Variants in RBFOX1 observed in about 807,000 individuals in gnomAD.
RBFOX1 encodes RNA binding protein fox-1 homolog 1.
Under a neutral mutation model 57.7 loss-of-function variants are expected in RBFOX1, and 8 were observed. The ratio of observed to expected loss-of-function variants is 0.14; its 90% CI spans 0.08 to 0.25. The LOEUF is 0.25. Among genes scored for constraint, RBFOX1 ranks in the 10% least tolerant of loss-of-function variants. The pLI is 1.00. For missense variants in RBFOX1, 611 were observed against 548.5 expected (o/e 1.11, Z -1.14); for synonymous variants, 326 against 222.4 (o/e 1.47, Z -4.15).
chr16:5,815,940 C>T (rs776357599), intron 3 of RBFOX1, among the ~76,000 whole-genome samples: 9 of 152,130 alleles, frequency 5.9e-5, no homozygotes, highest in South Asian at 2.1e-4. Flanking sequence ...ATGGGTATTA[C>T]AATTGGTTAA....
intron 3 of RBFOX1, among the ~76,000 whole-genome samples, chr16:5,836,709 G>A (rs2056469806): frequency 6.6e-6 from 1 of 152,142 alleles, no homozygotes; most frequent in Non-Finnish European, 1.5e-5. Flanking sequence ...AGGATGTTCA[G>A]CAGCATCCCT....
intron 2 of RBFOX1, among the ~76,000 whole-genome samples, chr16:5,500,464 G>A (rs943116533): frequency 1.4e-4 from 21 of 151,948 alleles, no homozygotes; most frequent in Non-Finnish European, 2.5e-4. Flanking sequence ...TCACGCAATC[G>A]TCCCGCCTCC....
chr16:6,757,822 C>T (rs1293721936), intron 3 of RBFOX1, among the ~76,000 whole-genome samples: 2 of 152,118 alleles, frequency 1.3e-5, no homozygotes, highest in Admixed American at 6.6e-5. Flanking sequence ...ATAGAAATGA[C>T]AAATGTTTGA....
chr16:5,861,496 G>C (rs1436153101), intron 3 of RBFOX1, among the ~76,000 whole-genome samples: 1 of 152,218 alleles, frequency 6.6e-6, no homozygotes, highest in East Asian at 1.9e-4. Context: ...ACGTGGAAGA[G>C]ATCTGTTATT....
chr16:7,010,616 C>G (rs548414105), intron 3 of RBFOX1, among the ~76,000 whole-genome samples: 3 of 151,966 alleles, frequency 2.0e-5, no homozygotes, highest in South Asian at 2.1e-4. Context: ...GTGGAGTGAT[C>G]TTGGATGACT....
intron 6 of RBFOX1, among the ~76,000 whole-genome samples, chr16:7,581,385 G>T (rs1167712594): frequency 6.6e-6 from 1 of 152,170 alleles, no homozygotes; most frequent in African/African-American, 2.4e-5. Flanking sequence ...TGGGCGGTAA[G>T]AGGAGTTATA....
At chr16:5,405,886 C>G (rs1164678992) in intron 1 of RBFOX1, among the ~76,000 whole-genome samples, 1 of 151,956 alleles carries the variant, frequency 6.6e-6, no homozygotes, top group Non-Finnish European at 1.5e-5. Flanking sequence ...CAGAGTGATC[C>G]AAGTCATCTC....
At chr16:6,868,932 A>T (rs986794434) in intron 3 of RBFOX1, among the ~76,000 whole-genome samples, 1 of 152,144 alleles carries the variant, frequency 6.6e-6, no homozygotes, top group South Asian at 2.1e-4. Flanking sequence ...CACATTTTCT[A>T]GCCCTTGCCT....
At chr16:6,608,910 C>A (rs1443261836) in intron 2 of RBFOX1, among the ~76,000 whole-genome samples, 3 of 152,036 alleles carry the variant, frequency 2.0e-5, no homozygotes, top group African/African-American at 7.2e-5. Flanking sequence ...TTTTTCTTGC[C>A]CTTCCCAACT....
At chr16:5,332,977 G>C (rs2064796383) in intron 1 of RBFOX1, among the ~76,000 whole-genome samples, 1 of 152,132 alleles carries the variant, frequency 6.6e-6, no homozygotes, top group Non-Finnish European at 1.5e-5. Context: ...CCTGAGGTCA[G>C]GAGTTTGAGA....
intron 1 of RBFOX1, chr16:6,037,353 A>C (rs2095378505): frequency 6.6e-6 from 1 of 151,758 alleles, no homozygotes; most frequent in South Asian, 2.1e-4. Context: ...TTTGCGGGAG[A>C]ATATTTGCAA....
At chr16:5,701,782 G>A (rs1368019092) in intron 3 of RBFOX1, among the ~76,000 whole-genome samples, 3 of 152,154 alleles carry the variant, frequency 2.0e-5, no homozygotes, top group Admixed American at 6.5e-5. Flanking sequence ...TTTTTTGTCC[G>A]TGGCATCCTT....
chr16:7,528,714 A>T (rs1047428495), intron 5 of RBFOX1, among the ~76,000 whole-genome samples: 1 of 152,194 alleles, frequency 6.6e-6, no homozygotes, highest in African/African-American at 2.4e-5. Flanking sequence ...TATTTGGGTC[A>T]TGCATTAGTC....
intron 2 of RBFOX1, among the ~76,000 whole-genome samples, chr16:6,472,229 C>T (rs2095193185): frequency 6.6e-6 from 1 of 152,160 alleles, no homozygotes; most frequent in African/African-American, 2.4e-5. Context: ...GGACAAGGGA[C>T]CGATGAAGGC....
chr16:5,771,097 T>G (rs957652417), intron 3 of RBFOX1, among the ~76,000 whole-genome samples: 2 of 152,146 alleles, frequency 1.3e-5, no homozygotes, highest in Non-Finnish European at 2.9e-5. Flanking sequence ...CATTTTAAAC[T>G]GTGTAAAGTG....
chr16:5,832,457 A>T (rs1327102613), intron 3 of RBFOX1, among the ~76,000 whole-genome samples: 4 of 152,244 alleles, frequency 2.6e-5, no homozygotes, highest in African/African-American at 9.6e-5. Flanking sequence ...AGTTTCCACA[A>T]CATACAATGG....
intron 3 of RBFOX1, among the ~76,000 whole-genome samples, chr16:5,649,521 A>G (rs894743734): frequency 4.6e-5 from 7 of 152,128 alleles, no homozygotes; most frequent in Non-Finnish European, 8.8e-5. Context: ...GGCAGTTGTT[A>G]TTGGTCTCTC....
chr16:6,933,060 C>G (rs987595681), intron 3 of RBFOX1, among the ~76,000 whole-genome samples: 1 of 152,204 alleles, frequency 6.6e-6, no homozygotes, highest in Non-Finnish European at 1.5e-5. Context: ...TGTGTCATCA[C>G]ATTTGACAAG....
chr16:7,045,176 G>T (rs924226343), intron 3 of RBFOX1, among the ~76,000 whole-genome samples: 16 of 152,152 alleles, frequency 1.1e-4, no homozygotes, highest in African/African-American at 3.9e-4. Context: ...AAATTGGCCA[G>T]GGACTCCCAC....
Sources: gnomAD v4.1 joint callset for allele counts (sites outside exome capture counted in the v4.1 genomes callset) on GRCh38, gnomAD v4.1.1 for gene constraint, MANE v1.5 for transcripts, NCBI Gene and HGNC (gene_info 2026-07-23, HGNC 2026-07-21) for gene names.